MPPED2: variants seen among roughly 807,000 people sequenced by gnomAD.
MPPED2 encodes the protein metallophosphoesterase domain containing 2, also known as metallophosphoesterase MPPED2.
A neutral mutation model predicts 33.0 loss-of-function variants in MPPED2; 5 were observed. The observed-to-expected ratio is 0.15, with a 90% CI of 0.08 to 0.32. The LOEUF (loss-of-function observed/expected upper bound fraction) is 0.32, where lower values mean the gene tolerates loss of function less well. MPPED2 is among the 10% of genes least tolerant of loss of function. The pLI, the probability that MPPED2 is intolerant of heterozygous loss-of-function variation, is 1.00. For synonymous variants in MPPED2, 136 were observed against 141.9 expected, an observed-to-expected ratio of 0.96 and a Z score of 0.29; for missense variants, 275 against 372.1, an observed-to-expected ratio of 0.74 and a Z score of 2.15.
intron 4 of MPPED2, chr11:30,451,992 C>T (rs1251485182): frequency 4.1e-6 from 4 of 985,244 alleles, no homozygotes; most frequent in African/African-American, 1.7e-5. Context: ...AGGAGGGAGC[C>T]GTAAAACGAT....
intron 3 of MPPED2, among the ~76,000 whole-genome samples, chr11:30,502,491 C>G (rs574045462): frequency 6.6e-6 from 1 of 152,144 alleles, no homozygotes; most frequent in Non-Finnish European, 1.5e-5. Context: ...AAAACATTCC[C>G]CGAATGCTAC....
chr11:30,511,513 C>A (rs537779687), intron 3 of MPPED2, among the ~76,000 whole-genome samples: 1 of 152,294 alleles, frequency 6.6e-6, no homozygotes, highest in South Asian at 2.1e-4. Context: ...TTCTGTCTGT[C>A]TAGCCCTTTT....
At chr11:30,575,867 C>T (rs1956908284) in intron 2 of MPPED2, among the ~76,000 whole-genome samples, 1 of 152,116 alleles carries the variant, frequency 6.6e-6, no homozygotes, top group Non-Finnish European at 1.5e-5. Context: ...GGGACACTTG[C>T]CAACCCTGAC....
downstream of MPPED2, among the ~76,000 whole-genome samples, chr11:30,406,407 C>G (rs1947989726): frequency 6.6e-6 from 1 of 152,180 alleles, no homozygotes; most frequent in Admixed American, 6.5e-5. Context: ...TACCACTGAT[C>G]CTCTCTGAAC....
intron 3 of MPPED2, among the ~76,000 whole-genome samples, chr11:30,498,382 T>C (rs921719813): frequency 1.3e-5 from 2 of 151,958 alleles, no homozygotes; most frequent in Admixed American, 1.3e-4. Flanking sequence ...GTCAGGAGTT[T>C]GAGACCAGCC....
chr11:30,407,778 G>GGAGAAT (rs1407341352), downstream of MPPED2, among the ~76,000 whole-genome samples: 2 of 152,182 alleles, frequency 1.3e-5, no homozygotes, highest in African/African-American at 2.4e-5. Context: ...GGCTAAGGCA[G>GGAGAAT]GAGAATTGCT....
At chr11:30,401,196 G>A (rs1366153126) in intron 6 of MPPED2, among the ~76,000 whole-genome samples, 3 of 152,200 alleles carry the variant, frequency 2.0e-5, no homozygotes, top group Non-Finnish European at 2.9e-5. Context: ...TGTGTTATAG[G>A]ATAGCAGATG....
chr11:30,555,018 T>C (rs1955900143), intron 2 of MPPED2, among the ~76,000 whole-genome samples: 2 of 152,220 alleles, frequency 1.3e-5, no homozygotes, highest in South Asian at 4.1e-4. Context: ...ATTTCCCAGA[T>C]GCCATGGTAT....
At chr11:30,504,619 G>T in intron 3 of MPPED2, 1 of 444,836 alleles carries the variant, frequency 2.2e-6, no homozygotes. Context: ...ACTTGACTCA[G>T]CTACAAAACC....
chr11:30,497,434 A>T (rs180857455), intron 3 of MPPED2, among the ~76,000 whole-genome samples: 2 of 152,264 alleles, frequency 1.3e-5, no homozygotes, highest in South Asian at 2.1e-4. Context: ...CCAGACAGCA[A>T]TGTCTTCCAA....
chr11:30,528,685 C>T (rs552977190), intron 3 of MPPED2, among the ~76,000 whole-genome samples: 1 of 152,204 alleles, frequency 6.6e-6, no homozygotes, highest in East Asian at 1.9e-4. Context: ...TCTCGAACTC[C>T]TGGGCTCAAG....
At chr11:30,518,256 G>A (rs1953649477) in intron 3 of MPPED2, among the ~76,000 whole-genome samples, 1 of 152,146 alleles carries the variant, frequency 6.6e-6, no homozygotes. Context: ...GCAGCCAGGG[G>A]CTGTCTCTAA....
chr11:30,493,751 A>G (rs1261970045), intron 4 of MPPED2, among the ~76,000 whole-genome samples: 1 of 152,210 alleles, frequency 6.6e-6, no homozygotes, highest in Non-Finnish European at 1.5e-5. Context: ...CAGAAAAATT[A>G]TAATTCATAC....
intron 4 of MPPED2, among the ~76,000 whole-genome samples, chr11:30,465,211 T>C (rs1045127140): frequency 6.6e-6 from 1 of 152,230 alleles, no homozygotes; most frequent in Non-Finnish European, 1.5e-5. Context: ...ATAAAACAAT[T>C]GGAAATAGTT....
At chr11:30,583,449 G>A (rs1957291195) in intron 1 of MPPED2, among the ~76,000 whole-genome samples, 1 of 152,046 alleles carries the variant, frequency 6.6e-6, no homozygotes, top group South Asian at 2.1e-4. Flanking sequence ...AACCCAGGAC[G>A]AAATATCAAG....
chr11:30,396,580 T>C (rs1238253765), intron 6 of MPPED2, among the ~76,000 whole-genome samples: 4 of 152,100 alleles, frequency 2.6e-5, no homozygotes, highest in Non-Finnish European at 5.9e-5. Context: ...AAAACCCAGG[T>C]TTACTTGCAA....
chr11:30,555,593 A>G (rs1052260309), intron 2 of MPPED2, among the ~76,000 whole-genome samples: 2 of 152,154 alleles, frequency 1.3e-5, no homozygotes, highest in Non-Finnish European at 2.9e-5. Context: ...AAGTCTCACA[A>G]GATCTGATGG....
intron 4 of MPPED2, among the ~76,000 whole-genome samples, chr11:30,440,507 C>T (rs909606752): frequency 5.9e-5 from 9 of 152,048 alleles, no homozygotes; most frequent in Admixed American, 5.9e-4. Flanking sequence ...ATTTGCTGAC[C>T]CCTGTTCTGG....
chr11:30,391,367 A>G (rs1321894619), intron 6 of MPPED2, among the ~76,000 whole-genome samples: 1 of 152,166 alleles, frequency 6.6e-6, no homozygotes, highest in Admixed American at 6.5e-5. Flanking sequence ...ACCAGCCCTC[A>G]GGTTCCTCAT....
Sources: gnomAD v4.1 joint callset for allele counts (sites outside exome capture counted in the v4.1 genomes callset) on GRCh38, gnomAD v4.1.1 for gene constraint, MANE v1.5 for transcripts, NCBI Gene and HGNC (gene_info 2026-07-23, HGNC 2026-07-21) for gene names.